The following HAP1 variants were observed in gnomAD, a reference collection of about 807,000 sequenced individuals.
HAP1 encodes huntingtin associated protein 1.
HAP1 carries 59 observed loss-of-function variants against 60.3 expected under a neutral mutation model. That is an observed-to-expected ratio of 0.98 (90% CI 0.79 to 1.22). The LOEUF is 1.22. Among genes scored for constraint, HAP1 ranks in the 50% most tolerant of loss-of-function variants. The probability of loss-of-function intolerance (pLI) is 0.00; values close to 1 mark genes in which losing one functional copy is unlikely to be tolerated. For missense variants in HAP1, 825 were observed against 785.3 expected (o/e 1.05, Z -0.60); for synonymous variants, 346 against 330.6 (o/e 1.05, Z -0.50).
chr17:41,731,622 C>A lies in HAP1; in HGVS notation c.1002+16G>T. 2 of 1,606,674 alleles carry A rather than the reference C, an allele frequency of 1.2e-6. No homozygotes were observed. Among genetic ancestry groups the A allele is most frequent in the Middle Eastern group, 1.7e-4 (1 of 6,050 alleles). ...CACCCCCTGCTAGCAGGGACGCCCTCCTCCCCCATTCTCACCTCTTCTCTC... is the reference window on the plus strand; with the variant it reads ...CACCCCCTGCTAGCAGGGACGCCCTACTCCCCCATTCTCACCTCTTCTCTC... On this transcript the variant is annotated intron_variant, in intron 5 of 10. Transcript: ENST00000347901.
rs782453513 is a variant in HAP1, at chr17:41,724,603, T to G, written c.*98A>C. ...TTCCCACTGAAGGGGATCAGAGGTG[T>G]CTATGCAAATGATATGCAAAGTCCA... On this transcript the variant is annotated 3_prime_UTR_variant, in exon 11 of 11. Coordinates refer to ENST00000347901, the MANE Select transcript of HAP1 (RefSeq NM_177977.3). 3.6e-6 allele frequency: 3 copies of G among 825,866 alleles called. No homozygotes were observed. Among genetic ancestry groups the G allele is most frequent in the Non-Finnish European group, 5.9e-6 (3 of 509,800 alleles). 51.2% of individuals were successfully genotyped at this position (825,866 alleles called of 1,614,324 possible).
At chr17:41,731,320 A>G (rs1202197836) in intron 6 of HAP1, among the ~76,000 whole-genome samples, 173 bp downstream of exon 6, 1 of 152,142 alleles carries the variant, frequency 6.6e-6, no homozygotes, top group Non-Finnish European at 1.5e-5. Flanking sequence ...GGCTGAGAAA[A>G]TTAATCCCCA....
chr17:41,725,061 T>A lies in HAP1; in HGVS notation c.1500A>T (p.Glu500Asp). 1 of 1,612,490 alleles carries A rather than the reference T, an allele frequency of 6.2e-7. No homozygotes were observed. Among genetic ancestry groups the A allele is most frequent in the Non-Finnish European group, 8.5e-7 (1 of 1,179,098 alleles). Residue 500 changes from glutamate (E) to aspartate (D), a missense_variant, in exon 11 of 11, where the codon GAA (glutamate) becomes GAT (aspartate). Coordinates refer to ENST00000347901, the MANE Select transcript of HAP1 (RefSeq NM_177977.3). ...CGAACTCCTCCGCAGGCGTGAAATC[T>A]TCCCCCCGCATGATATCCGCTGCCA... ...LMLAADIMRGEDFTPAEEFVP... is the reference protein window; with the variant it reads ...LMLAADIMRGDDFTPAEEFVP...
At chr17:41,731,426 C>G in intron 6 of HAP1, 67 bp downstream of exon 6, 1 of 1,085,050 alleles carries the variant, frequency 9.2e-7, no homozygotes, top group Non-Finnish European at 1.4e-6. Context: ...TCTCCATACT[C>G]CACATCTTGA....
chr17:41,732,123 C>T lies in HAP1; in HGVS notation c.715-5G>A. On this transcript the variant is annotated splice_region_variant and splice_polypyrimidine_tract_variant and intron_variant, in intron 3 of 10. Transcript: ENST00000347901. ...CTGGTGTCTGAGGTATAAAATCTGG[C>T]AGGAAGAGAGAGGAGCCATGGGTTG... 1 of 1,613,502 alleles carries T rather than the reference C, an allele frequency of 6.2e-7. No individual in the cohort carries two copies. The highest frequency in any genetic ancestry group is 8.5e-7 in the Non-Finnish European group (1 of 1,179,602).
downstream of HAP1, among the ~76,000 whole-genome samples, chr17:41,719,030 T>G (rs111582462): frequency 0.067 from 10,167 of 152,148 alleles, 936 homozygotes; most frequent in African/African-American, 0.21. Context: ...CCAGGCTGGA[T>G]TGCAGTAGTG....
At chr17:41,729,176 A>G (rs531294462) in intron 6 of HAP1, among the ~76,000 whole-genome samples, 3 of 151,004 alleles carry the variant, frequency 2.0e-5, no homozygotes, top group African/African-American at 7.3e-5. Context: ...CCTGACCTCA[A>G]GAGATCCACC....
rs1407469387 is a variant in HAP1, at chr17:41,730,297, G to A, written c.1069+1196C>T. ...GGTACTCCACTCCCTGGACCATACTGACCCTGTCGGCATAGTGTACTACAG... is the reference window on the plus strand; with the variant it reads ...GGTACTCCACTCCCTGGACCATACTAACCCTGTCGGCATAGTGTACTACAG... On this transcript the variant is annotated intron_variant, in intron 6 of 10. Transcript: ENST00000347901. 4 of 151,010 alleles carry A rather than the reference G, an allele frequency of 2.6e-5. No individual in the cohort carries two copies. The Admixed American group carries it at 2.7e-4, about 10-fold the overall frequency. The allele number at this position is 151,010 out of a possible 1,614,324, so 9.4% of individuals were successfully genotyped here. A position where few individuals can be genotyped will look rare whatever the true frequency, so the allele number is the denominator to read the frequency against.
intron 1 of HAP1, 29 bp from the exon 2 acceptor site, chr17:41,732,827 G>A: frequency 7.7e-7 from 1 of 1,290,682 alleles, no homozygotes; most frequent in Non-Finnish European, 1.1e-6. Context: ...GGGGAGAAAA[G>A]GCCCAGCCAG....
At chr17:41,719,692 CAA>C (rs71155162), downstream of HAP1, among the ~76,000 whole-genome samples, 70 of 142,974 alleles carry the variant, frequency 4.9e-4, no homozygotes, top group Middle Eastern at 3.5e-3. Flanking sequence ...GACTCTGTCT[CAA>C]AAAAAAAAAA....
chr17:41,734,623 C>G lies in HAP1; in HGVS notation c.12G>C (p.Lys4Asn), dbSNP rs782436213. The change falls in exon 1 of 11, where the codon AAG (lysine) becomes AAC (asparagine). Residue 4 changes from lysine to asparagine, a missense_variant. Transcript: ENST00000347901. MRP[K>N]RLGRCCAGSR... ...TCCCCGCGCAGCACCGGCCCAACCT[C>G]TTCGGGCGCATCTCGAGTCTGCCGT... 1 of 1,533,660 alleles carries G rather than the reference C, an allele frequency of 6.5e-7. No individual in the cohort carries two copies. Among genetic ancestry groups the G allele is most frequent in the Non-Finnish European group, 8.8e-7 (1 of 1,142,094 alleles).
intron 6 of HAP1, among the ~76,000 whole-genome samples, chr17:41,729,227 C>T (rs915040882): frequency 2.1e-4 from 32 of 151,154 alleles, no homozygotes; most frequent in Admixed American, 4.6e-4. Context: ...AGGGGTGAGC[C>T]ACTGCACCCG....
At chr17:41,727,700 G>T in intron 8 of HAP1, 62 bp downstream of exon 8, 1 of 1,114,080 alleles carries the variant, frequency 9.0e-7, no homozygotes, top group East Asian at 2.4e-5. Context: ...CAAGGGCCTG[G>T]GGTCCCCACT....
In HAP1 at chr17:41,722,826, G is replaced by C. The variant is rs57195271; in HGVS notation, c.*1875C>G. ...GGAAGAGGAAGCCAGGGGCAGGGAGGGGGGGATCAAGACAGAGGGGAGAGG... is the reference window on the plus strand; with the variant it reads ...GGAAGAGGAAGCCAGGGGCAGGGAGCGGGGGATCAAGACAGAGGGGAGAGG... On this transcript the variant is annotated 3_prime_UTR_variant, in exon 11 of 11. Coordinates refer to ENST00000347901, the MANE Select transcript of HAP1 (RefSeq NM_177977.3). The C allele has an allele frequency of 0.042, 6,443 of 152,256 alleles. 320 individuals are homozygous for C. The highest frequency in any genetic ancestry group is 0.12 in the African/African-American group (5,044 of 41,356). The allele number at this position is 152,256 out of a possible 1,614,324, so 9.4% of individuals were successfully genotyped here.
rs149352344 is a variant in HAP1, at chr17:41,732,066, T to G, written c.767A>C (p.Tyr256Ser). The G allele has an allele frequency of 5.0e-4, 807 of 1,611,126 alleles. 12 individuals are homozygous for G. The East Asian group carries it at 0.017, about 34-fold the overall frequency. ...VNLRDELLQLYSDSDEEDEDE... is the reference protein window; with the variant it reads ...VNLRDELLQLSSDSDEEDEDE... The stretch of plus-strand genomic sequence containing the variant: ...CTCATCCTCCTCATCAGAATCTGAG[T>G]AGAGCTGGAGGAGCTCATCCCGCAA... Residue 256 changes from tyrosine (Y) to serine (S), a missense_variant, in exon 4 of 11, where the codon TAC (tyrosine) becomes TCC (serine). Coordinates refer to ENST00000347901, the MANE Select transcript of HAP1 (RefSeq NM_177977.3).
At chr17:41,727,453 T>C (rs781815838) in intron 8 of HAP1, 1 of 778,326 alleles carries the variant, frequency 1.3e-6, no homozygotes, top group Non-Finnish European at 2.4e-6. Context: ...ACCCACACGC[T>C]CTGCTGGGAC....
chr17:41,732,037 C>T lies in HAP1; in HGVS notation c.796G>A (p.Glu266Lys). Residue 266 changes from glutamate to lysine, a missense_variant, in exon 4 of 11, where the codon GAA becomes AAA. Transcript: ENST00000347901. Reference sequence around the variant, plus strand: ...TCCTTTTCTTCCTCCTCCTCTTCTTCATCCTCATCCTCCTCATCAGAATCT... The same window carrying T: ...TCCTTTTCTTCCTCCTCCTCTTCTTTATCCTCATCCTCCTCATCAGAATCT... ...YSDSDEEDED[E>K]EEEEEEKEAE... 6.3e-7 allele frequency: 1 copy of T among 1,583,234 alleles called. No individual in the cohort carries two copies.
chr17:41,727,986 G>A (rs912194399), intron 7 of HAP1, 150 bp from the exon 8 acceptor site: 1 of 696,694 alleles, frequency 1.4e-6, no homozygotes, highest in East Asian at 2.7e-5. Context: ...AGAAGGCAGG[G>A]GAGTCACGCA....
At chr17:41,728,462 C>T (rs1911867194) in intron 6 of HAP1, 131 bp from the exon 7 acceptor site, 8 of 725,194 alleles carry the variant, frequency 1.1e-5, no homozygotes, top group Non-Finnish European at 1.8e-5. Flanking sequence ...CAGGGCTTTG[C>T]ATTCCTCACT....
Sources: gnomAD v4.1 joint callset for allele counts (sites outside exome capture counted in the v4.1 genomes callset) on GRCh38, gnomAD v4.1.1 for gene constraint, MANE v1.5 for transcripts, NCBI Gene and HGNC (gene_info 2026-07-23, HGNC 2026-07-21) for gene names.